Variants in GPATCH2 observed in about 807,000 individuals in gnomAD.
The protein encoded by GPATCH2 is G patch domain-containing protein 2.
GPATCH2 carries 51 observed loss-of-function variants against 58.0 expected under a neutral mutation model. That is an observed-to-expected ratio of 0.88 (90% CI 0.70 to 1.11). GPATCH2 has a LOEUF of 1.11. Ranked by LOEUF, GPATCH2 falls within the 50% of genes most tolerant of loss-of-function variation. GPATCH2 has a pLI of 0.00. For synonymous variants in GPATCH2, 222 were observed against 218.5 expected, an observed-to-expected ratio of 1.02 and a Z score of -0.14; for missense variants, 625 against 652.2, an observed-to-expected ratio of 0.96 and a Z score of 0.45.
intron 2 of GPATCH2, among the ~76,000 whole-genome samples, chr1:217,615,172 ATATT>A (rs1668824593): frequency 1.3e-5 from 2 of 152,066 alleles, no homozygotes; most frequent in Admixed American, 1.3e-4. Flanking sequence ...TTGTTTTAAA[ATATT>A]TAAATTGAGA....
chr1:217,609,123 T>C (rs1668502012), intron 5 of GPATCH2: 2 of 873,136 alleles, frequency 2.3e-6, no homozygotes, highest in African/African-American at 1.8e-5. Context: ...AAAAATATCA[T>C]TTTAATATAA....
In GPATCH2 at chr1:217,459,593, T is replaced by G. The variant is rs577520705; in HGVS notation, c.1278-10256A>C. ...ATGCTCATTGTAATTTGCTTAAAAA[T>G]GATATCTTGGATCTCACATAAAAAA... On this transcript the variant is annotated intron_variant, in intron 8 of 9. Coordinates refer to ENST00000366935, the MANE Select transcript of GPATCH2 (RefSeq NM_018040.5). 6.6e-5 allele frequency among the ~76,000 whole-genome samples: 10 copies of G among 152,310 alleles called. No individual in the cohort carries two copies. The East Asian group carries it at 1.9e-3, about 29-fold the overall frequency.
At chr1:217,610,248 G>A (rs943124914) in intron 5 of GPATCH2, 73 bp downstream of exon 5, 27 of 1,497,966 alleles carry the variant, frequency 1.8e-5, no homozygotes, top group Non-Finnish European at 2.3e-5. Flanking sequence ...TAAAGGATGA[G>A]GATGTGGCTT....
intron 5 of GPATCH2, among the ~76,000 whole-genome samples, chr1:217,567,550 C>T (rs1352923115): frequency 6.6e-6 from 1 of 152,172 alleles, no homozygotes; most frequent in Non-Finnish European, 1.5e-5. Context: ...ATTTTGTTCC[C>T]TTATATCTGA....
At chr1:217,584,172 C>T (rs1667209497) in intron 5 of GPATCH2, among the ~76,000 whole-genome samples, 1 of 151,274 alleles carries the variant, frequency 6.6e-6, no homozygotes, top group Non-Finnish European at 1.5e-5. Context: ...GAAATCAAGA[C>T]AATATTTTCT....
intron 5 of GPATCH2, among the ~76,000 whole-genome samples, chr1:217,595,386 T>G (rs1238269699): frequency 6.6e-6 from 1 of 152,118 alleles, no homozygotes; most frequent in Non-Finnish European, 1.5e-5. Context: ...AAAAGTAACA[T>G]TCAAAAAAGC....
intron 5 of GPATCH2, among the ~76,000 whole-genome samples, chr1:217,592,389 C>T (rs915147523): frequency 6.6e-6 from 1 of 151,966 alleles, no homozygotes; most frequent in East Asian, 1.9e-4. Flanking sequence ...AAGTAGATGG[C>T]TTCTCACTTT....
chr1:217,492,469 A>T (rs1661794512), intron 7 of GPATCH2: 1 of 152,192 alleles, frequency 6.6e-6, no homozygotes, highest in Non-Finnish European at 1.5e-5. Flanking sequence ...TATGCAGAAA[A>T]TATGATTATA....
chr1:217,620,754 T>C (rs977823872), intron 1 of GPATCH2, among the ~76,000 whole-genome samples: 3 of 152,246 alleles, frequency 2.0e-5, no homozygotes, highest in African/African-American at 7.2e-5. Flanking sequence ...AAGATCCCAG[T>C]ATTTTTATAT....
intron 5 of GPATCH2, among the ~76,000 whole-genome samples, chr1:217,575,694 C>A (rs985142398): frequency 2.6e-5 from 4 of 152,098 alleles, no homozygotes; most frequent in Non-Finnish European, 2.9e-5. Flanking sequence ...AACAAAAAAA[C>A]AAACAAATAT....
At chr1:217,506,975 T>C (rs1227212979) in intron 6 of GPATCH2, among the ~76,000 whole-genome samples, 1 of 152,248 alleles carries the variant, frequency 6.6e-6, no homozygotes, top group Non-Finnish European at 1.5e-5. Flanking sequence ...AATGCATTTA[T>C]GTGTCAGCAT....
intron 5 of GPATCH2, among the ~76,000 whole-genome samples, chr1:217,557,069 G>C (rs1465357074): frequency 6.6e-6 from 1 of 152,082 alleles, no homozygotes; most frequent in Admixed American, 6.5e-5. Flanking sequence ...CCCAGTCTGT[G>C]GCTCGGTATG....
chr1:217,582,450 C>A (rs1222542030), intron 5 of GPATCH2, among the ~76,000 whole-genome samples: 5 of 151,878 alleles, frequency 3.3e-5, no homozygotes, highest in Non-Finnish European at 7.4e-5. Context: ...AATTATTGGA[C>A]ATGATAAATC....
At chr1:217,463,635 T>C (rs1660300158) in intron 8 of GPATCH2, among the ~76,000 whole-genome samples, 1 of 73,076 alleles carries the variant, frequency 1.4e-5, no homozygotes. Flanking sequence ...CAAGAACTTA[T>C]CACTCCAAAA....
chr1:217,432,139 T>A (rs1050296961), intron 9 of GPATCH2, among the ~76,000 whole-genome samples: 2 of 151,972 alleles, frequency 1.3e-5, no homozygotes. Context: ...TAGATATATT[T>A]CTTCCTTCCC....
intron 6 of GPATCH2, 131 bp from the exon 7 acceptor site, chr1:217,498,526 A>T: frequency 2.7e-6 from 2 of 732,450 alleles, no homozygotes. Flanking sequence ...ATTTTAATGG[A>T]TGTTTCATGT....
At chr1:217,455,838 C>T (rs1659917242) in intron 8 of GPATCH2, among the ~76,000 whole-genome samples, 1 of 151,932 alleles carries the variant, frequency 6.6e-6, no homozygotes, top group African/African-American at 2.4e-5. Flanking sequence ...AACCCCAGGC[C>T]CCAGGCTCCA....
chr1:217,610,548 C>A (rs1158169994), intron 4 of GPATCH2, 148 bp from the exon 5 acceptor site: 8 of 613,602 alleles, frequency 1.3e-5, no homozygotes, highest in African/African-American at 3.7e-5. Flanking sequence ...AAAACTCACA[C>A]TTAAAAAAAC....
chr1:217,498,927 G>A (rs1662152501), intron 6 of GPATCH2, among the ~76,000 whole-genome samples: 1 of 152,148 alleles, frequency 6.6e-6, no homozygotes, highest in Admixed American at 6.5e-5. Flanking sequence ...GATTCTGGCT[G>A]AGAATGAAGT....
Sources: allele counts gnomAD v4.1 joint callset (sites outside exome capture counted in the v4.1 genomes callset), GRCh38; gene constraint gnomAD v4.1.1; transcripts MANE v1.5; gene names NCBI Gene and HGNC (gene_info 2026-07-23, HGNC 2026-07-21).